OXR1: variants seen among roughly 807,000 people sequenced by gnomAD.
OXR1 encodes the protein oxidation resistance 1.
Under a neutral mutation model 104.6 loss-of-function variants are expected in OXR1, and 41 were observed. That is an observed-to-expected ratio of 0.39 (90% CI 0.31 to 0.51). The LOEUF (loss-of-function observed/expected upper bound fraction) is 0.51. Ranked by LOEUF, OXR1 falls within the 20% of genes least tolerant of loss-of-function variation. The pLI is 0.77. For missense variants in OXR1, 955 were observed against 1,031.9 expected (o/e 0.93, Z 1.02); for synonymous variants, 348 against 348.4 (o/e 1.00, Z 0.01).
chr8:106,350,468 A>G (rs1171416191), intron 1 of OXR1, among the ~76,000 whole-genome samples: 1 of 152,192 alleles, frequency 6.6e-6, no homozygotes, highest in Non-Finnish European at 1.5e-5. Context: ...ACAAATATAG[A>G]CATGTTGCTG....
At chr8:106,441,895 G>A (rs1348772996) in intron 2 of OXR1, among the ~76,000 whole-genome samples, 1 of 152,102 alleles carries the variant, frequency 6.6e-6, no homozygotes, top group Non-Finnish European at 1.5e-5. Context: ...CTTCCTATTT[G>A]AATAGCCTTT....
chr8:106,424,429 CT>C (rs1257625274), intron 2 of OXR1, among the ~76,000 whole-genome samples: 2 of 152,002 alleles, frequency 1.3e-5, no homozygotes, highest in Non-Finnish European at 2.9e-5. Flanking sequence ...GTAATTTCCC[CT>C]GTCATGAAAT....
intron 1 of OXR1, among the ~76,000 whole-genome samples, chr8:106,317,590 G>T (rs1363574662): frequency 6.6e-6 from 1 of 152,042 alleles, no homozygotes; most frequent in Non-Finnish European, 1.5e-5. Context: ...CATCTCCGAG[G>T]TGACTTTCTA....
intron 15 of OXR1, among the ~76,000 whole-genome samples, chr8:106,742,694 G>A (rs898845228): frequency 6.6e-6 from 1 of 152,074 alleles, no homozygotes; most frequent in Non-Finnish European, 1.5e-5. Context: ...ATAAGCAATA[G>A]GGAAAGGATT....
intron 2 of OXR1, among the ~76,000 whole-genome samples, chr8:106,402,022 T>C (rs1818024044): frequency 6.6e-6 from 1 of 152,168 alleles, no homozygotes; most frequent in South Asian, 2.1e-4. Flanking sequence ...GTAGGCCTTA[T>C]TGACAGGGAT....
chr8:106,372,255 G>A (rs1174155715), intron 2 of OXR1, among the ~76,000 whole-genome samples: 1 of 152,178 alleles, frequency 6.6e-6, no homozygotes, highest in Non-Finnish European at 1.5e-5. Context: ...TGGCTGGGGG[G>A]AGGGGGTTCC....
At chr8:106,361,576 G>A (rs912586006) in intron 2 of OXR1, among the ~76,000 whole-genome samples, 25 of 152,120 alleles carry the variant, frequency 1.6e-4, no homozygotes, top group African/African-American at 6.0e-4. Flanking sequence ...TTATGTCACT[G>A]ATACCTAGTT....
intron 2 of OXR1, among the ~76,000 whole-genome samples, chr8:106,517,541 T>G (rs574121536): frequency 6.6e-6 from 1 of 151,664 alleles, no homozygotes; most frequent in Admixed American, 6.6e-5. Flanking sequence ...TTGCCAGACA[T>G]TTTTCCAAAG....
intron 9 of OXR1, among the ~76,000 whole-genome samples, chr8:106,708,599 G>A (rs1197967118): frequency 6.6e-6 from 1 of 152,070 alleles, no homozygotes; most frequent in Non-Finnish European, 1.5e-5. Context: ...TCTGTAATAT[G>A]TGTCAGAATT....
chr8:106,510,519 G>C (rs983433706), intron 2 of OXR1, among the ~76,000 whole-genome samples: 2 of 152,092 alleles, frequency 1.3e-5, no homozygotes, highest in Admixed American at 6.5e-5. Context: ...TTTTATGTTA[G>C]CATTTATTAA....
chr8:106,487,683 T>G (rs895949280), intron 2 of OXR1, among the ~76,000 whole-genome samples: 1 of 150,644 alleles, frequency 6.6e-6, no homozygotes, highest in Non-Finnish European at 1.5e-5. Flanking sequence ...TTTGGTTTTT[T>G]GTTCTTGCGA....
At position 106,563,590 on chromosome 8, in the gene OXR1, A is replaced by G. The variant is rs117084515; in HGVS notation, c.220+44451A>G. The stretch of plus-strand genomic sequence containing the variant: ...TATTAGACAGAACAATAAGACAGAA[A>G]ATTAGCAAGGATGTTCAGGACTTCA... On this transcript the variant is annotated intron_variant, in intron 3 of 16. Transcript: ENST00000517566. 6.3e-3 allele frequency among the ~76,000 whole-genome samples: 967 copies of G among 152,286 alleles called. 2 individuals are homozygous for G. Among genetic ancestry groups the G allele is most frequent in the Non-Finnish European group, 9.5e-3 (644 of 68,022 alleles).
At chr8:106,343,844 AAAC>A (rs1482569926) in intron 1 of OXR1, among the ~76,000 whole-genome samples, 3 of 152,218 alleles carry the variant, frequency 2.0e-5, no homozygotes, top group Admixed American at 6.5e-5. Context: ...TTAATTTTTA[AAAC>A]AACATCATGA....
chr8:106,618,650 A>G (rs144649797), intron 3 of OXR1, among the ~76,000 whole-genome samples: 165 of 152,286 alleles, frequency 1.1e-3, no homozygotes, highest in African/African-American at 3.7e-3. Context: ...TCTTCACTCA[A>G]AAATTGTCCC....
intron 2 of OXR1, among the ~76,000 whole-genome samples, chr8:106,385,264 A>G (rs1401662927): frequency 6.6e-6 from 1 of 152,232 alleles, no homozygotes; most frequent in Non-Finnish European, 1.5e-5. Context: ...AGGCAAATGA[A>G]TGACAATTCC....
Position 106,555,928 on chromosome 8 carries a change from GTACATATA to G in OXR1, c.220+36792_220+36799del. ...TGTGTGTAGGCATACGTATATATAT[GTACATATA>G]TATATATATATACACAATGGAATAT... On this transcript the variant is annotated intron_variant, in intron 3 of 16. Transcript: ENST00000517566. 1.4e-5 allele frequency among the ~76,000 whole-genome samples: 2 copies of G among 142,538 alleles called. 1 individual carries two copies. Among genetic ancestry groups the G allele is most frequent in the East Asian group, 4.2e-4 (2 of 4,788 alleles). The allele number at this position is 142,538 out of a possible 152,430, so 93.5% of individuals were successfully genotyped here.
chr8:106,322,084 G>A (rs770936332), intron 1 of OXR1, among the ~76,000 whole-genome samples: 3 of 152,094 alleles, frequency 2.0e-5, no homozygotes, highest in African/African-American at 7.2e-5. Flanking sequence ...CAACAAGAGG[G>A]GCATTGCTTT....
intron 3 of OXR1, among the ~76,000 whole-genome samples, chr8:106,633,992 AC>A (rs748123434): frequency 1.3e-5 from 2 of 152,204 alleles, no homozygotes; most frequent in Non-Finnish European, 2.9e-5. Flanking sequence ...TATTGGATTT[AC>A]CTGAATCGAC....
At chr8:106,336,057 C>T (rs749707222) in intron 1 of OXR1, among the ~76,000 whole-genome samples, 2 of 152,200 alleles carry the variant, frequency 1.3e-5, no homozygotes, top group African/African-American at 2.4e-5. Context: ...GATCATGCCA[C>T]TGCACTCCAG....
Sources: allele counts gnomAD v4.1 joint callset (sites outside exome capture counted in the v4.1 genomes callset), GRCh38; gene constraint gnomAD v4.1.1; transcripts MANE v1.5; gene names NCBI Gene and HGNC (gene_info 2026-07-23, HGNC 2026-07-21).